PTPRD: variants seen among roughly 807,000 people sequenced by gnomAD.
PTPRD encodes receptor-type tyrosine-protein phosphatase delta.
A neutral mutation model predicts 214.5 loss-of-function variants in PTPRD; 34 were observed. The observed-to-expected ratio is 0.16, with a 90% CI of 0.12 to 0.21. The LOEUF is 0.21. PTPRD is among the 10% of genes least tolerant of loss of function. The pLI, the probability that PTPRD is intolerant of heterozygous loss-of-function variation, is 1.00. For missense variants in PTPRD, 2,545 were observed against 2,398.7 expected (o/e 1.06, Z -1.27); for synonymous variants, 1,128 against 845.7 (o/e 1.33, Z -5.79).
chr9:9,371,195 C>T (rs2059394994), intron 9 of PTPRD, among the ~76,000 whole-genome samples: 1 of 152,114 alleles, frequency 6.6e-6, no homozygotes, highest in East Asian at 1.9e-4. Flanking sequence ...ATGGTACCAG[C>T]TCCTCCTGTA....
intron 3 of PTPRD, among the ~76,000 whole-genome samples, chr9:10,330,068 T>A (rs1178307221): frequency 6.6e-6 from 1 of 151,810 alleles, no homozygotes; most frequent in Non-Finnish European, 1.5e-5. Context: ...AAAATTGTGC[T>A]TTTTTTATTT....
chr9:10,489,198 T>C (rs1174145248), intron 2 of PTPRD, among the ~76,000 whole-genome samples: 1 of 152,122 alleles, frequency 6.6e-6, no homozygotes, highest in Non-Finnish European at 1.5e-5. Flanking sequence ...GACTGGGTCA[T>C]TGCCTTCAAG....
chr9:8,553,890 G>C (rs950659976), intron 14 of PTPRD, among the ~76,000 whole-genome samples: 15 of 152,122 alleles, frequency 9.9e-5, no homozygotes, highest in Non-Finnish European at 1.2e-4. Context: ...AATTCAGAGA[G>C]AAAAAGACCA....
At chr9:8,869,007 C>A (rs1239119959) in intron 11 of PTPRD, among the ~76,000 whole-genome samples, 2 of 152,032 alleles carry the variant, frequency 1.3e-5, no homozygotes, top group African/African-American at 4.8e-5. Flanking sequence ...GGAAGCCATG[C>A]CATCAAACTA....
chr9:9,758,029 C>T (rs1015828949), intron 6 of PTPRD, among the ~76,000 whole-genome samples: 2 of 151,910 alleles, frequency 1.3e-5, no homozygotes, highest in Non-Finnish European at 2.9e-5. Context: ...TGCCGGTGAG[C>T]CTCTCGTGTT....
Position 8,492,946 on chromosome 9 carries a change from A to G in PTPRD, c.2383T>C (p.Ser795Pro), listed in dbSNP as rs1336605025. Residue 795 changes from serine (S) to proline (P), a missense_variant, in exon 27 of 46, where the codon TCC (serine) becomes CCC (proline). Physicochemically the swap from Ser to Pro is moderately conservative, Grantham distance 74. Coordinates refer to ENST00000381196, the MANE Select transcript of PTPRD (RefSeq NM_002839.4). ...TAGGCTGTGACGGTGAGGGAGTAGG[A>G]AGTTTCAGGCTGGAGCCCAGAAATG... ...MIISGLQPETSYSLTVTAYTT... is the reference protein window; with the variant it reads ...MIISGLQPETPYSLTVTAYTT... The G allele has an allele frequency of 5.6e-6, 9 of 1,613,626 alleles. No homozygotes were observed. The Admixed American group carries it at 1.3e-4, about 24-fold the overall frequency.
At chr9:9,587,608 T>G (rs1376900893) in intron 7 of PTPRD, among the ~76,000 whole-genome samples, 1 of 152,004 alleles carries the variant, frequency 6.6e-6, no homozygotes, top group Non-Finnish European at 1.5e-5. Flanking sequence ...GAGTACATCA[T>G]AAAGGCTGGG....
At chr9:9,982,455 ATTGTTG>A (rs199860433) in intron 4 of PTPRD, among the ~76,000 whole-genome samples, 111 of 117,474 alleles carry the variant, frequency 9.4e-4, no homozygotes, top group Middle Eastern at 4.3e-3. Context: ...AGATACATAT[ATTGTTG>A]TTGTGGTGGT....
At chr9:10,230,541 G>A (rs2099605913) in intron 3 of PTPRD, among the ~76,000 whole-genome samples, 1 of 151,784 alleles carries the variant, frequency 6.6e-6, no homozygotes, top group African/African-American at 2.4e-5. Context: ...TCAGGGAAAT[G>A]TATTTGTGGT....
intron 3 of PTPRD, among the ~76,000 whole-genome samples, chr9:10,117,369 A>T (rs2154243391): frequency 6.6e-6 from 1 of 152,226 alleles, no homozygotes; most frequent in Non-Finnish European, 1.5e-5. Flanking sequence ...TTAATTTCCT[A>T]GTGCTGCCAT....
rs569750029 is a variant in PTPRD at position 9,392,978 on chromosome 9, T to G, written c.-203+4471A>C. The stretch of plus-strand genomic sequence containing the variant: ...TGGAGCCATGGAAATTCCTGTCATT[T>G]GCAGAGGGGAGGAGCCTGGTCTCTT... On this transcript the variant is annotated intron_variant, in intron 9 of 45. Transcript: ENST00000381196. Among the ~76,000 whole-genome samples the G allele has an allele frequency of 1.0e-3, 159 of 152,292 alleles. 1 individual carries two copies. Among genetic ancestry groups the G allele is most frequent in the African/African-American group, 3.4e-3 (140 of 41,572 alleles).
intron 11 of PTPRD, among the ~76,000 whole-genome samples, chr9:8,885,140 GATA>G (rs1331517816): frequency 2.1e-4 from 32 of 152,318 alleles, no homozygotes; most frequent in Non-Finnish European, 5.9e-5. Context: ...GAATGAGATT[GATA>G]ATGATGATAA....
chr9:8,979,165 A>G (rs1248928361), intron 11 of PTPRD, among the ~76,000 whole-genome samples: 1 of 152,178 alleles, frequency 6.6e-6, no homozygotes, highest in Non-Finnish European at 1.5e-5. Flanking sequence ...TCAAAAGATT[A>G]TTTTTCAAAT....
At chr9:10,430,711 C>T (rs1490459462) in intron 2 of PTPRD, among the ~76,000 whole-genome samples, 1 of 151,676 alleles carries the variant, frequency 6.6e-6, no homozygotes, top group Non-Finnish European at 1.5e-5. Flanking sequence ...TTATAGAAAT[C>T]TATTATTAGT....
At chr9:8,912,490 C>G (rs1038278600) in intron 11 of PTPRD, among the ~76,000 whole-genome samples, 1 of 152,052 alleles carries the variant, frequency 6.6e-6, no homozygotes, top group African/African-American at 2.4e-5. Context: ...CTGAGGTTGT[C>G]TGGGACCAGG....
At chr9:10,517,975 T>C (rs1036121590) in intron 2 of PTPRD, among the ~76,000 whole-genome samples, 2 of 152,056 alleles carry the variant, frequency 1.3e-5, no homozygotes, top group African/African-American at 4.8e-5. Context: ...TGAATACGAA[T>C]TGGAATATAT....
intron 11 of PTPRD, among the ~76,000 whole-genome samples, chr9:8,938,638 C>T (rs2099012874): frequency 6.6e-6 from 1 of 151,736 alleles, no homozygotes; most frequent in Non-Finnish European, 1.5e-5. Context: ...AATAGAAGGA[C>T]ACAAATGAAG....
At chr9:9,843,848 T>C (rs559358749) in intron 5 of PTPRD, among the ~76,000 whole-genome samples, 1 of 152,132 alleles carries the variant, frequency 6.6e-6, no homozygotes, top group Non-Finnish European at 1.5e-5. Flanking sequence ...TGTTAACTGA[T>C]TGATGGAATT....
At chr9:8,362,065 C>T (rs2078643065) in intron 39 of PTPRD, among the ~76,000 whole-genome samples, 2 of 152,194 alleles carry the variant, frequency 1.3e-5, no homozygotes, top group South Asian at 4.1e-4. Context: ...TGTAGACCAC[C>T]TTGGGAATTT....
Sources: allele counts gnomAD v4.1 joint callset (sites outside exome capture counted in the v4.1 genomes callset), GRCh38; gene constraint gnomAD v4.1.1; transcripts MANE v1.5; gene names NCBI Gene and HGNC (gene_info 2026-07-23, HGNC 2026-07-21).